Variants in POLH observed in about 807,000 individuals in gnomAD.
POLH encodes DNA polymerase eta.
POLH carries 53 observed loss-of-function variants against 73.6 expected under a neutral mutation model. That is an observed-to-expected ratio of 0.72 (90% CI 0.58 to 0.91). The LOEUF (loss-of-function observed/expected upper bound fraction) is 0.91, where lower values mean the gene tolerates loss of function less well. Among genes scored for constraint, POLH ranks in the 40% least tolerant of loss-of-function variants. The pLI, the probability that POLH is intolerant of heterozygous loss-of-function variation, is 0.00. For synonymous variants in POLH, 292 were observed against 308.5 expected (o/e 0.95, Z 0.56); for missense variants, 768 against 865.4 (o/e 0.89, Z 1.41).
chr6:43,577,901 G>A lies in POLH; in HGVS notation c.-5+1461G>A, dbSNP rs532246523. On this transcript the variant is annotated intron_variant, in intron 1 of 10. Transcript: ENST00000372236. The stretch of plus-strand genomic sequence containing the variant: ...AGATCGAGACCATCCTGGCTAACAC[G>A]GTGAAACCCCGTCTCTACTAAAAAT... Among the ~76,000 whole-genome samples the A allele has an allele frequency of 8.1e-4, 121 of 150,068 alleles. 1 individual carries two copies. In the South Asian group the frequency reaches 0.02, roughly 24 times the overall value.
Position 43,578,046 on chromosome 6 carries a change from A to C in POLH, c.-5+1606A>C, listed in dbSNP as rs138585995. 7.7e-4 allele frequency among the ~76,000 whole-genome samples: 116 copies of C among 150,104 alleles called. 1 individual carries two copies. In the East Asian group the frequency reaches 0.022, roughly 29 times the overall value. On this transcript the variant is annotated intron_variant, in intron 1 of 10. Transcript: ENST00000372236. ...CAGTGAGCTGAGATCTCACCACTGC[A>C]CTTCAGCCTGGGTGACAGACGGAGA...
chr6:43,610,056 C>CTTTTTTT (rs1297780442), intron 9 of POLH, among the ~76,000 whole-genome samples: 6 of 98,496 alleles, frequency 6.1e-5, no homozygotes, highest in Non-Finnish European at 1.0e-4. Context: ...TATATAGATT[C>CTTTTTTT]TTTTTTTTTT....
intron 3 of POLH, 49 bp downstream of exon 3, chr6:43,583,190 A>T (rs1480679085): frequency 1.3e-6 from 2 of 1,540,574 alleles, no homozygotes; most frequent in Admixed American, 1.7e-5. Flanking sequence ...CGAAAATAAT[A>T]CTCCATGAGG....
intron 8 of POLH, 98 bp downstream of exon 8, chr6:43,604,836 T>C: frequency 1.6e-6 from 2 of 1,240,950 alleles, no homozygotes; most frequent in Non-Finnish European, 2.4e-6. Flanking sequence ...AGGAGACCTT[T>C]ATAAAGTATG....
At position 43,619,906 on chromosome 6, in the gene POLH, T is replaced by C. The variant is rs886061476; in HGVS notation, c.*5349T>C. Among the ~76,000 whole-genome samples the C allele has an allele frequency of 6.6e-6, 1 of 152,190 alleles. No individual in the cohort carries two copies. The highest frequency in any genetic ancestry group is 1.5e-5 in the Non-Finnish European group (1 of 68,034). On this transcript the variant is annotated 3_prime_UTR_variant, in exon 11 of 11. Coordinates refer to ENST00000372236, the MANE Select transcript of POLH (RefSeq NM_006502.3). The stretch of plus-strand genomic sequence containing the variant: ...AATACTCTAGAGGCAGAATGCCACA[T>C]AGGACTTTGGGTCACATATTTCTTT...
chr6:43,596,768 C>A (rs2127793224), intron 4 of POLH, among the ~76,000 whole-genome samples: 1 of 141,882 alleles, frequency 7.0e-6, no homozygotes, highest in Non-Finnish European at 1.5e-5. Context: ...AGGAAAAGTT[C>A]TTCTGTAGGG....
rs771127169 is a variant in POLH at position 43,620,493 on chromosome 6, A to AAT, written c.*5936_*5937insAT. 5,622 of 303,980 alleles carry AAT rather than the reference A, an allele frequency of 0.018. 88 individuals carry two copies. The highest frequency in any genetic ancestry group is 0.027 in the Non-Finnish European group (4,173 of 157,246). 18.8% of individuals were successfully genotyped at this position (303,980 alleles called of 1,614,324 possible). A position where few individuals can be genotyped will look rare whatever the true frequency, so the allele number is the denominator to read the frequency against. On this transcript the variant is annotated 3_prime_UTR_variant, in exon 11 of 11. Coordinates refer to ENST00000372236, the MANE Select transcript of POLH (RefSeq NM_006502.3). ...TGTAGCTAACGCATAAGCACAGTGT[A>AAT]TTCAATAAAACATTTTTATTCTGTA...
Position 43,587,327 on chromosome 6 carries a change from G to T in POLH, c.328G>T (p.Glu110Ter), listed in dbSNP as rs1440396149. ...GATAATGTCTCGTTTTGCTGTGATT[G>T]AACGTGCCAGCATTGATGAGGCTTA... ...MEIMSRFAVI[E>*]RASIDEAYVD... The change falls in exon 4 of 11, where the codon GAA becomes TAA. Residue 110 changes from glutamate to a stop codon, truncating the protein, a stop_gained. Transcript: ENST00000372236. LOFTEE classifies it high-confidence loss of function. 1.2e-6 allele frequency: 2 copies of T among 1,614,158 alleles called. No individual in the cohort carries two copies. The highest frequency in any genetic ancestry group is 2.2e-5 in the South Asian group (2 of 91,072).
intron 4 of POLH, 43 bp downstream of exon 4, chr6:43,587,532 A>T (rs754549732): frequency 2.2e-6 from 3 of 1,381,148 alleles, no homozygotes; most frequent in Non-Finnish European, 3.1e-6. Context: ...CTGCCTTTGG[A>T]ACCTGCTTTG....
intron 9 of POLH, among the ~76,000 whole-genome samples, chr6:43,607,385 G>A (rs76770158): frequency 1.3e-5 from 2 of 152,170 alleles, no homozygotes; most frequent in Admixed American, 6.5e-5. Context: ...GAGCCACTGC[G>A]CCCGGCCAGG....
chr6:43,582,460 T>G lies in POLH; in HGVS notation c.137+4T>G. 1 of 1,613,302 alleles carries G rather than the reference T, an allele frequency of 6.2e-7. No individual in the cohort carries two copies. The highest frequency in any genetic ancestry group is 8.5e-7 in the Non-Finnish European group (1 of 1,179,252). The stretch of plus-strand genomic sequence containing the variant: ...ACAAATCATGGAAGGGTGGTGGGTA[T>G]GTATCATTGTTATTGTCACAACTAT... On this transcript the variant is annotated splice_donor_region_variant and intron_variant, in intron 2 of 10. Transcript: ENST00000372236.
intron 3 of POLH, among the ~76,000 whole-genome samples, chr6:43,586,780 G>T (rs1438536425): frequency 6.6e-6 from 1 of 152,192 alleles, no homozygotes; most frequent in African/African-American, 2.4e-5. Context: ...AAATCCATAT[G>T]CCAGTTTGTT....
At chr6:43,596,952 C>T (rs1377764537) in intron 4 of POLH, among the ~76,000 whole-genome samples, 1 of 151,764 alleles carries the variant, frequency 6.6e-6, no homozygotes, top group East Asian at 1.9e-4. Context: ...GAATCCACCT[C>T]TAAAAACATG....
intron 9 of POLH, among the ~76,000 whole-genome samples, chr6:43,609,445 G>A (rs576625189): frequency 1.3e-5 from 2 of 152,074 alleles, no homozygotes; most frequent in Non-Finnish European, 2.9e-5. Context: ...TTTGCCTTAG[G>A]GATACTTCTT....
chr6:43,605,101 G>C (rs1289838580), intron 8 of POLH, among the ~76,000 whole-genome samples, 153 bp from the exon 9 acceptor site: 1 of 152,088 alleles, frequency 6.6e-6, no homozygotes, highest in Non-Finnish European at 1.5e-5. Flanking sequence ...CAGAAGGACT[G>C]GGAACATTTC....
At chr6:43,589,571 A>G (rs1219913525) in intron 4 of POLH, among the ~76,000 whole-genome samples, 2 of 151,936 alleles carry the variant, frequency 1.3e-5, no homozygotes, top group East Asian at 3.9e-4. Flanking sequence ...GAAAAATGGT[A>G]AAATTATTTA....
chr6:43,600,946 G>A (rs562876596), intron 5 of POLH, 42 bp from the exon 6 acceptor site: 1 of 1,222,944 alleles, frequency 8.2e-7, no homozygotes, highest in Admixed American at 1.7e-5. Flanking sequence ...CAACTTTGAT[G>A]GGTTGACAGT....
chr6:43,595,757 T>C (rs1158002504), intron 4 of POLH, among the ~76,000 whole-genome samples: 2 of 152,020 alleles, frequency 1.3e-5, no homozygotes, highest in Admixed American at 1.3e-4. Flanking sequence ...CACTCCAGCA[T>C]GGGCAACAGA....
At chr6:43,611,893 T>G (rs1767923913) in intron 10 of POLH, among the ~76,000 whole-genome samples, 1 of 151,970 alleles carries the variant, frequency 6.6e-6, no homozygotes, top group African/African-American at 2.4e-5. Context: ...CTGTCTCTAC[T>G]AAAAATACAA....
Sources: gnomAD v4.1 joint callset for allele counts (sites outside exome capture counted in the v4.1 genomes callset) on GRCh38, gnomAD v4.1.1 for gene constraint, MANE v1.5 for transcripts, NCBI Gene and HGNC (gene_info 2026-07-23, HGNC 2026-07-21) for gene names.